The following PTPRJ variants were observed in gnomAD, a reference collection of about 807,000 sequenced individuals.
PTPRJ encodes receptor-type tyrosine-protein phosphatase eta.
A neutral mutation model predicts 141.3 loss-of-function variants in PTPRJ; 129 were observed. That is an observed-to-expected ratio of 0.91 (90% CI 0.79 to 1.06). The LOEUF (loss-of-function observed/expected upper bound fraction) is 1.06, where lower values mean the gene tolerates loss of function less well. Ranked by LOEUF, PTPRJ falls within the 50% of genes least tolerant of loss-of-function variation. The probability of loss-of-function intolerance (pLI) is 0.00; values close to 1 mark genes in which losing one functional copy is unlikely to be tolerated. For missense variants in PTPRJ, 1,601 were observed against 1,679.7 expected (o/e 0.95, Z 0.82); for synonymous variants, 610 against 640.5 (o/e 0.95, Z 0.72).
chr11:48,050,322 C>T (rs571630726), intron 1 of PTPRJ, among the ~76,000 whole-genome samples: 1 of 152,032 alleles, frequency 6.6e-6, no homozygotes, highest in East Asian at 1.9e-4. Flanking sequence ...TCCCATATAC[C>T]CCTGGCCCCC....
At position 48,144,789 on chromosome 11, in the gene PTPRJ, G is replaced by A. The variant is rs775230437; in HGVS notation, c.2690G>A (p.Ser897Asn). ...ACAGAAGAAAAGGGACGTTCTCAGA[G>A]CTTGTCTGAAGTTTTGAAATATGAA... The part of the protein sequence containing the change: ...IRTEEKGRSQ[S>N]LSEVLKYEID... Residue 897 changes from serine to asparagine, a missense_variant, in exon 13 of 25, where the codon AGC (serine) becomes AAC (asparagine). Transcript: ENST00000418331. The A allele has an allele frequency of 3.7e-6, 6 of 1,614,132 alleles. No homozygotes were observed. The highest frequency in any genetic ancestry group is 2.2e-5 in the East Asian group (1 of 44,884).
At chr11:48,160,982 G>A (rs1857757214) in intron 22 of PTPRJ, among the ~76,000 whole-genome samples, 1 of 151,918 alleles carries the variant, frequency 6.6e-6, no homozygotes, top group Non-Finnish European at 1.5e-5. Flanking sequence ...TGGGCAACAT[G>A]CTGAAACTCC....
chr11:48,154,138 A>G (rs539187233), intron 19 of PTPRJ, among the ~76,000 whole-genome samples: 1 of 152,388 alleles, frequency 6.6e-6, no homozygotes, highest in Admixed American at 6.5e-5. Flanking sequence ...AGGAAAATGC[A>G]CAGAGTGGTT....
intron 1 of PTPRJ, among the ~76,000 whole-genome samples, chr11:48,017,485 GTGTT>G (rs1854981440): frequency 1.3e-5 from 2 of 152,228 alleles, no homozygotes; most frequent in African/African-American, 4.8e-5. Flanking sequence ...AAAAATGTCT[GTGTT>G]ATAAGAGTGA....
intron 1 of PTPRJ, among the ~76,000 whole-genome samples, chr11:47,985,800 A>T (rs140321728): frequency 1.3e-5 from 2 of 152,214 alleles, no homozygotes; most frequent in Admixed American, 1.3e-4. Context: ...TCCCGGGTTC[A>T]AGCGATTCTC....
In PTPRJ at chr11:48,158,023, A is replaced by G. The variant is rs1270323150; in HGVS notation, c.3438+1904A>G. ...AAAAATTAGCCAGGCGTGGTGGTGC[A>G]TGCCTGTAATCCCAGCTACTTGGGA... On this transcript the variant is annotated intron_variant, in intron 21 of 24. Transcript: ENST00000418331. This position sits in a 1 kb window ranked among gnomAD's most constrained non-coding sequence, Gnocchi z 4.4. 6.6e-6 allele frequency among the ~76,000 whole-genome samples: 1 copy of G among 152,112 alleles called. No individual in the cohort carries two copies. The highest frequency in any genetic ancestry group is 2.1e-4 in the South Asian group (1 of 4,822).
chr11:48,158,838 A>G lies in PTPRJ; in HGVS notation c.3439-1092A>G, dbSNP rs995645041. ...GTGGTGGCACGTCTCTGTAGTCCAA[A>G]CTCCTCTGGAAGCTGAGGTGGGAGG... On this transcript the variant is annotated intron_variant, in intron 21 of 24. Transcript: ENST00000418331. The surrounding 1 kb of genome is among the most constrained non-coding windows in gnomAD (Gnocchi z 4.4). Among the ~76,000 whole-genome samples the G allele has an allele frequency of 1.6e-4, 24 of 151,718 alleles. No individual in the cohort carries two copies. Among genetic ancestry groups the G allele is most frequent in the African/African-American group, 5.8e-4 (24 of 41,280 alleles).
intron 1 of PTPRJ, among the ~76,000 whole-genome samples, chr11:48,016,839 G>A (rs376677627): frequency 1.3e-5 from 2 of 152,162 alleles, no homozygotes; most frequent in African/African-American, 4.8e-5. Flanking sequence ...TAGTCACCAT[G>A]GTAAACTTTA....
rs1315144227 is a variant in PTPRJ, at chr11:48,137,031, A to G, written c.1902A>G (p.Val634=). 6.2e-7 allele frequency: 1 copy of G among 1,605,824 alleles called. No homozygotes were observed. Among genetic ancestry groups the G allele is most frequent in the Non-Finnish European group, 8.5e-7 (1 of 1,172,480 alleles). ...CCAGCAATGTGTCCAACATTGATGT[A>G]AGTACCAACACCACAGCAGCAACTT... ...TRPSNVSNID[V]STNTTAATLS... Residue 634 remains valine, a synonymous_variant, in exon 10 of 25, where the codon GTA becomes GTG. Transcript: ENST00000418331.
At chr11:48,055,190 T>TA (rs528706449) in intron 1 of PTPRJ, among the ~76,000 whole-genome samples, 1,565 of 144,736 alleles carry the variant, frequency 0.011, 20 homozygotes, top group Middle Eastern at 0.04. Flanking sequence ...CATCTCTAAA[T>TA]AAAAAAAAAA....
chr11:47,989,817 A>C (rs7111419), intron 1 of PTPRJ, among the ~76,000 whole-genome samples: 1 of 152,184 alleles, frequency 6.6e-6, no homozygotes, highest in South Asian at 2.1e-4. Flanking sequence ...TGAAGAGAGC[A>C]TAGAATTTGG....
intron 1 of PTPRJ, among the ~76,000 whole-genome samples, chr11:48,013,327 A>G (rs541861892): frequency 2.0e-5 from 3 of 152,118 alleles, no homozygotes; most frequent in Admixed American, 6.5e-5. Flanking sequence ...ACAGGCTTGG[A>G]GCGCAGCAGC....
intron 1 of PTPRJ, chr11:48,096,965 C>CT (rs1856020769): frequency 6.5e-6 from 1 of 154,740 alleles, no homozygotes; most frequent in South Asian, 2.0e-4. Flanking sequence ...TGGGTTCCTT[C>CT]CGGCTGTCCA....
At chr11:48,117,572 A>AAAAG in intron 3 of PTPRJ, among the ~76,000 whole-genome samples, 1 of 125,244 alleles carries the variant, frequency 8.0e-6, no homozygotes, top group African/African-American at 2.9e-5. Context: ...AAAAAAAAAA[A>AAAAG]AAAGCAAGCT....
At chr11:48,139,300 TCA>T (rs1291553379) in intron 10 of PTPRJ, among the ~76,000 whole-genome samples, 184 bp from the exon 11 acceptor site, 123 of 152,278 alleles carry the variant, frequency 8.1e-4, no homozygotes, top group African/African-American at 2.5e-3. Context: ...CAGCTGAGGC[TCA>T]GAGCAGTTGG....
rs1857307341 is a variant in PTPRJ at position 48,144,513 on chromosome 11, G to T, written c.2576-162G>T. Among the ~76,000 whole-genome samples, 3 of 152,224 alleles carry T rather than the reference G, an allele frequency of 2.0e-5. No homozygotes were observed. The South Asian group carries it at 6.2e-4, about 31-fold the overall frequency. ...GGGGATGAAGTGAGTTACTGTAGGT[G>T]AAACCCTTAGAATTCAATGTAAGTC... On this transcript the variant is annotated intron_variant, in intron 12 of 24. Coordinates refer to ENST00000418331, the MANE Select transcript of PTPRJ (RefSeq NM_002843.4).
At chr11:47,981,401 C>T (rs1853903687) in intron 1 of PTPRJ, among the ~76,000 whole-genome samples, 1 of 152,126 alleles carries the variant, frequency 6.6e-6, no homozygotes, top group African/African-American at 2.4e-5. Flanking sequence ...CAGAGCCGGG[C>T]GGCCTGGCTG....
chr11:48,136,113 G>A lies in PTPRJ; in HGVS notation c.1690G>A (p.Asp564Asn), dbSNP rs750546441. The A allele has an allele frequency of 6.2e-7, 1 of 1,614,178 alleles. No individual in the cohort carries two copies. The highest frequency in any genetic ancestry group is 8.5e-7 in the Non-Finnish European group (1 of 1,180,022). ...TEMWLDWKSP[D>N]GASEYVYHLV... ...GATGTGGCTGGACTGGAAGAGCCCT[G>A]ACGGTGCTTCCGAGTATGTCTACCA... The change falls in exon 9 of 25, where the codon GAC becomes AAC. Residue 564 changes from aspartate (D) to asparagine (N), a missense_variant. Physicochemically the swap from Asp to Asn is conservative, Grantham distance 23. Coordinates refer to ENST00000418331, the MANE Select transcript of PTPRJ (RefSeq NM_002843.4).
At chr11:48,107,509 G>C (rs1856324644) in intron 1 of PTPRJ, among the ~76,000 whole-genome samples, 1 of 152,164 alleles carries the variant, frequency 6.6e-6, no homozygotes, top group Non-Finnish European at 1.5e-5. Context: ...GGCCAGAACT[G>C]TGGGCCGTAC....
Sources: allele counts gnomAD v4.1 joint callset (sites outside exome capture counted in the v4.1 genomes callset), GRCh38; gene constraint gnomAD v4.1.1; non-coding constraint Gnocchi (gnomAD v3.1); transcripts MANE v1.5; gene names NCBI Gene and HGNC (gene_info 2026-07-23, HGNC 2026-07-21).